The following PRICKLE2 variants were observed in gnomAD, a reference collection of about 807,000 sequenced individuals.
The protein encoded by PRICKLE2 is prickle-like protein 2.
Under a neutral mutation model 81.4 loss-of-function variants are expected in PRICKLE2, and 21 were observed. The ratio of observed to expected loss-of-function variants is 0.26; its 90% confidence interval spans 0.18 to 0.37. PRICKLE2 has a LOEUF of 0.37. Ranked by LOEUF, PRICKLE2 falls within the 10% of genes least tolerant of loss-of-function variation. The pLI is 1.00. For synonymous variants in PRICKLE2, 456 were observed against 421.5 expected (o/e 1.08, Z -1.00); for missense variants, 940 against 1,109.0 (o/e 0.85, Z 2.16).
chr3:64,108,568 C>T (rs2076792093), intron 7 of PRICKLE2, among the ~76,000 whole-genome samples: 1 of 152,092 alleles, frequency 6.6e-6, no homozygotes, highest in Non-Finnish European at 1.5e-5. Flanking sequence ...TATGAATGCA[C>T]TCGAAAGTGT....
chr3:64,109,488 T>C (rs973418362), intron 7 of PRICKLE2, among the ~76,000 whole-genome samples: 8 of 152,132 alleles, frequency 5.3e-5, no homozygotes, highest in Non-Finnish European at 1.2e-4. Flanking sequence ...TGTCATCTGC[T>C]CTGGTGCTAC....
At chr3:64,238,171 CAACGTGCTTCCTTTTAGAA>C (rs2079209679) in intron 2 of PRICKLE2, among the ~76,000 whole-genome samples, 1 of 152,164 alleles carries the variant, frequency 6.6e-6, no homozygotes, top group Non-Finnish European at 1.5e-5. Flanking sequence ...TTATATACCA[CAACGTGCTTCCTTTTAGAA>C]AACTTGGTAG....
At chr3:64,141,332 T>G (rs2077358040) in intron 7 of PRICKLE2, among the ~76,000 whole-genome samples, 1 of 152,232 alleles carries the variant, frequency 6.6e-6, no homozygotes, top group Non-Finnish European at 1.5e-5. Context: ...CAGTGCCTCA[T>G]GTACACCATC....
At chr3:64,261,625 G>A (rs1338762944) in intron 2 of PRICKLE2, among the ~76,000 whole-genome samples, 1 of 152,100 alleles carries the variant, frequency 6.6e-6, no homozygotes, top group Non-Finnish European at 1.5e-5. Flanking sequence ...TCAATGGTGA[G>A]AAGCTCCTAG....
At chr3:64,185,623 T>C (rs550618817) in intron 2 of PRICKLE2, among the ~76,000 whole-genome samples, 1 of 152,280 alleles carries the variant, frequency 6.6e-6, no homozygotes, top group South Asian at 2.1e-4. Context: ...GCATGATTAA[T>C]ACTGAGCAGT....
chr3:64,160,974 AC>A (rs2077723811), intron 3 of PRICKLE2, among the ~76,000 whole-genome samples: 1 of 152,102 alleles, frequency 6.6e-6, no homozygotes, highest in Non-Finnish European at 1.5e-5. Context: ...AAACAAACAA[AC>A]AAACAAACAA....
chr3:64,258,435 C>T (rs1280453045), intron 2 of PRICKLE2, among the ~76,000 whole-genome samples: 2 of 152,230 alleles, frequency 1.3e-5, no homozygotes, highest in South Asian at 4.2e-4. Context: ...ATCTCACAAA[C>T]AGAATGTTGA....
At chr3:64,200,413 T>C (rs1296585412) in intron 1 of PRICKLE2, 1 of 152,244 alleles carries the variant, frequency 6.6e-6, no homozygotes, top group Admixed American at 6.5e-5. Context: ...TGAATAATGA[T>C]GCTCTGATTA....
intron 1 of PRICKLE2, among the ~76,000 whole-genome samples, chr3:64,212,741 T>C (rs751051129): frequency 6.6e-6 from 1 of 152,198 alleles, no homozygotes; most frequent in African/African-American, 2.4e-5. Flanking sequence ...ATTCTTGGTA[T>C]AATGAAACTT....
intron 2 of PRICKLE2, among the ~76,000 whole-genome samples, chr3:64,247,313 T>G (rs1489612315): frequency 6.6e-6 from 1 of 152,202 alleles, no homozygotes; most frequent in Non-Finnish European, 1.5e-5. Context: ...GCAGAAAAGA[T>G]ATCAGTGAGT....
At chr3:64,235,382 T>C (rs2079164693) in intron 2 of PRICKLE2, among the ~76,000 whole-genome samples, 1 of 152,334 alleles carries the variant, frequency 6.6e-6, no homozygotes, top group South Asian at 2.1e-4. Flanking sequence ...ATTTGGACCC[T>C]CTCACGGGCA....
chr3:64,166,486 T>A (rs956187337), intron 2 of PRICKLE2, among the ~76,000 whole-genome samples: 1 of 152,176 alleles, frequency 6.6e-6, no homozygotes, highest in Non-Finnish European at 1.5e-5. Flanking sequence ...AAAGACTGAA[T>A]TCTGAAGTCA....
At chr3:64,135,720 A>G (rs202002301) in intron 7 of PRICKLE2, among the ~76,000 whole-genome samples, 15 of 135,814 alleles carry the variant, frequency 1.1e-4, no homozygotes, top group African/African-American at 1.6e-4. Flanking sequence ...ACACACACAC[A>G]CACGCACACA....
chr3:64,138,434 C>T (rs1299760067), intron 7 of PRICKLE2, among the ~76,000 whole-genome samples: 3 of 152,190 alleles, frequency 2.0e-5, no homozygotes, highest in African/African-American at 4.8e-5. Context: ...TTCCCCTTCA[C>T]CTGATGTTGA....
chr3:64,094,889 G>T lies in PRICKLE2; in HGVS notation c.*4162C>A, dbSNP rs145272711. 2.0e-5 allele frequency: 3 copies of T among 152,738 alleles called. No individual in the cohort carries two copies. Among genetic ancestry groups the T allele is most frequent in the Middle Eastern group, 3.4e-3 (1 of 294 alleles). 9.5% of individuals were successfully genotyped at this position (152,738 alleles called of 1,614,324 possible). ...TGCATATGCAAATGCTGTCTGCAGA[G>T]CCCATTTTAAAGCCCTGAAGGTGCA... On this transcript the variant is annotated 3_prime_UTR_variant, in exon 8 of 8. Transcript: ENST00000638394.
At chr3:64,223,017 G>A (rs2078979605) in intron 1 of PRICKLE2, among the ~76,000 whole-genome samples, 1 of 152,124 alleles carries the variant, frequency 6.6e-6, no homozygotes, top group African/African-American at 2.4e-5. Flanking sequence ...ACTTTATTCT[G>A]TCAACTCAAT....
In PRICKLE2 at chr3:64,100,105, C is replaced by T. The variant is rs530028916; in HGVS notation, c.1661-180G>A. On this transcript the variant is annotated intron_variant, in intron 7 of 7. Coordinates refer to ENST00000638394, the MANE Select transcript of PRICKLE2 (RefSeq NM_198859.4). ...GGGTTCTCTCCACTCCACAGTAGGT[C>T]ACTATCTACCTAGAGGGGGCACTTA... The T allele has an allele frequency of 1.3e-5, 8 of 626,310 alleles. No individual in the cohort carries two copies. The African/African-American group carries it at 1.5e-4, about 11-fold the overall frequency. 38.8% of individuals were successfully genotyped at this position (626,310 alleles called of 1,614,324 possible).
intron 2 of PRICKLE2, among the ~76,000 whole-genome samples, chr3:64,195,233 C>T (rs996916565): frequency 2.0e-5 from 3 of 152,114 alleles, no homozygotes; most frequent in Non-Finnish European, 4.4e-5. Context: ...TCCTTTCTGG[C>T]ATCATCTGTT....
At chr3:64,183,387 C>T (rs1012587175) in intron 2 of PRICKLE2, among the ~76,000 whole-genome samples, 4 of 151,904 alleles carry the variant, frequency 2.6e-5, no homozygotes, top group Admixed American at 2.6e-4. Flanking sequence ...CAAAATAACA[C>T]ATATATTTAT....
Sources: gnomAD v4.1 joint callset for allele counts (sites outside exome capture counted in the v4.1 genomes callset) on GRCh38, gnomAD v4.1.1 for gene constraint, MANE v1.5 for transcripts, NCBI Gene and HGNC (gene_info 2026-07-23, HGNC 2026-07-21) for gene names.